SLC12A1: variants seen among roughly 807,000 people sequenced by gnomAD.
SLC12A1 encodes Na-K-2Cl cotransporter.
A neutral mutation model predicts 130.4 loss-of-function variants in SLC12A1; 89 were observed. The observed-to-expected ratio is 0.68, with a 90% CI of 0.58 to 0.81. The LOEUF is 0.81. Ranked by LOEUF, SLC12A1 falls within the 40% of genes least tolerant of loss-of-function variation. SLC12A1 has a pLI of 0.00. For synonymous variants in SLC12A1, 499 were observed against 460.0 expected, an observed-to-expected ratio of 1.08 and a Z score of -1.09; for missense variants, 1,310 against 1,336.4, an observed-to-expected ratio of 0.98 and a Z score of 0.31.
At chr15:48,206,498 A>C (rs1344741328) in intron 1 of SLC12A1, among the ~76,000 whole-genome samples, 168 bp downstream of exon 1, 2 of 152,244 alleles carry the variant, frequency 1.3e-5, no homozygotes, top group Non-Finnish European at 2.9e-5. Context: ...TTACTTGAGA[A>C]ATGAAGTTGA....
At chr15:48,273,100 C>CAAA (rs58343718) in intron 19 of SLC12A1, among the ~76,000 whole-genome samples, 2,254 of 81,878 alleles carry the variant, frequency 0.028, 73 homozygotes, top group African/African-American at 0.074. Flanking sequence ...GTCAGACTGT[C>CAAA]AAAAAAAAAA....
intron 15 of SLC12A1, among the ~76,000 whole-genome samples, chr15:48,254,802 T>A (rs1009301763): frequency 6.6e-6 from 1 of 151,968 alleles, no homozygotes; most frequent in South Asian, 2.1e-4. Context: ...CGGGCGCCTG[T>A]AGTCCCAGCT....
intron 25 of SLC12A1, among the ~76,000 whole-genome samples, chr15:48,300,771 G>A (rs2042224550): frequency 6.6e-6 from 1 of 152,232 alleles, no homozygotes; most frequent in Non-Finnish European, 1.5e-5. Flanking sequence ...TTCCAAGTGA[G>A]TCTTTTGGTG....
chr15:48,217,929 C>G (rs544826629), intron 2 of SLC12A1: 5 of 152,386 alleles, frequency 3.3e-5, no homozygotes, highest in African/African-American at 1.2e-4. Context: ...ACTTCAGCCT[C>G]CCAAGTAGAT....
chr15:48,279,908 T>C (rs984968166), intron 20 of SLC12A1, among the ~76,000 whole-genome samples: 2 of 152,186 alleles, frequency 1.3e-5, no homozygotes, highest in Non-Finnish European at 2.9e-5. Flanking sequence ...GCTTCCTGCC[T>C]TCAATTCAAC....
intron 9 of SLC12A1, among the ~76,000 whole-genome samples, chr15:48,237,925 A>G (rs1177253422): frequency 6.6e-6 from 1 of 152,220 alleles, no homozygotes; most frequent in Non-Finnish European, 1.5e-5. Flanking sequence ...AGAAAATACC[A>G]TAATAATCTG....
chr15:48,219,837 G>A (rs985561223), intron 2 of SLC12A1, among the ~76,000 whole-genome samples: 4 of 151,968 alleles, frequency 2.6e-5, no homozygotes, highest in African/African-American at 9.7e-5. Context: ...CGGATTGCCT[G>A]GGCTCAGGAG....
chr15:48,267,934 T>C (rs1198347440), intron 18 of SLC12A1, among the ~76,000 whole-genome samples: 2 of 152,158 alleles, frequency 1.3e-5, no homozygotes, highest in Non-Finnish European at 2.9e-5. Context: ...GAGGTTGCCT[T>C]TGGCCACCAG....
intron 9 of SLC12A1, among the ~76,000 whole-genome samples, chr15:48,236,794 G>T (rs1458268076): frequency 6.6e-6 from 1 of 152,166 alleles, no homozygotes; most frequent in Non-Finnish European, 1.5e-5. Flanking sequence ...TTTAGCTGTG[G>T]ATGTTGAACT....
intron 1 of SLC12A1, among the ~76,000 whole-genome samples, chr15:48,207,169 G>C (rs2040992021): frequency 6.6e-6 from 1 of 152,040 alleles, no homozygotes; most frequent in African/African-American, 2.4e-5. Context: ...TCAGCATTTA[G>C]TACTGTCAGT....
intron 25 of SLC12A1, among the ~76,000 whole-genome samples, chr15:48,300,325 A>T (rs1212138222): frequency 7.1e-6 from 1 of 141,710 alleles, no homozygotes; most frequent in Non-Finnish European, 1.5e-5. Context: ...AACCCTGTTT[A>T]AAAAAAAAAA....
At chr15:48,259,699 C>A (rs759352349) in intron 17 of SLC12A1, among the ~76,000 whole-genome samples, 1 of 152,122 alleles carries the variant, frequency 6.6e-6, no homozygotes, top group Non-Finnish European at 1.5e-5. Context: ...AGGAAAGAAC[C>A]AGACATAATG....
intron 2 of SLC12A1, among the ~76,000 whole-genome samples, chr15:48,213,460 G>C (rs539591108): frequency 1.5e-4 from 22 of 150,730 alleles, no homozygotes; most frequent in African/African-American, 5.1e-4. Context: ...AAGAGTTTCT[G>C]TGTAAAGTGA....
Position 48,302,851 on chromosome 15 carries a change from G to T in SLC12A1, c.3266G>T (p.Gly1089Val). The change falls in exon 27 of 27, where the codon GGA becomes GTA. Residue 1089 changes from glycine to valine, a missense_variant. By Grantham distance (109) the Gly-to-Val change is moderately radical. Coordinates refer to ENST00000380993, the MANE Select transcript of SLC12A1 (RefSeq NM_000338.3). ...CTCCCACCTGTCTTACTAGTTAGAGGAAATCACAAAAATGTCTTGACATTT... is the reference window on the plus strand; with the variant it reads ...CTCCCACCTGTCTTACTAGTTAGAGTAAATCACAAAAATGTCTTGACATTT... ...KNLPPVLLVRGNHKNVLTFYS is the reference protein window; with the variant it reads ...KNLPPVLLVRVNHKNVLTFYS 1 of 1,612,484 alleles carries T rather than the reference G, an allele frequency of 6.2e-7. No individual in the cohort carries two copies. Among genetic ancestry groups the T allele is most frequent in the East Asian group, 2.2e-5 (1 of 44,838 alleles).
chr15:48,226,449 A>G (rs1271688768), intron 4 of SLC12A1, 27 bp from the exon 5 acceptor site: 3 of 1,377,120 alleles, frequency 2.2e-6, no homozygotes, highest in Non-Finnish European at 3.0e-6. Context: ...GTAAAATGCA[A>G]TATCTTCTAT....
At chr15:48,247,552 T>C (rs1292707745) in intron 13 of SLC12A1, 92 bp downstream of exon 13, 2 of 1,008,026 alleles carry the variant, frequency 2.0e-6, no homozygotes. Context: ...TTACTCGTTT[T>C]ATGTTTAGGA....
chr15:48,212,047 T>C (rs907833610), intron 2 of SLC12A1, among the ~76,000 whole-genome samples: 5 of 152,300 alleles, frequency 3.3e-5, no homozygotes, highest in African/African-American at 9.6e-5. Flanking sequence ...ACATAACTTC[T>C]ACTTATCTTG....
At chr15:48,279,905 G>T (rs1489589466) in intron 20 of SLC12A1, among the ~76,000 whole-genome samples, 1 of 152,174 alleles carries the variant, frequency 6.6e-6, no homozygotes, top group African/African-American at 2.4e-5. Context: ...ATTGCTTCCT[G>T]CCTTCAATTC....
intron 5 of SLC12A1, 166 bp downstream of exon 5, chr15:48,226,737 C>T (rs997895003): frequency 8.9e-5 from 58 of 651,250 alleles, no homozygotes; most frequent in Non-Finnish European, 1.4e-4. Flanking sequence ...TGAGAATAGT[C>T]CAGGTCTACT....
Sources: allele counts gnomAD v4.1 joint callset (sites outside exome capture counted in the v4.1 genomes callset), GRCh38; gene constraint gnomAD v4.1.1; transcripts MANE v1.5; gene names NCBI Gene and HGNC (gene_info 2026-07-23, HGNC 2026-07-21).